Variants in GTF2E2 observed in about 807,000 individuals in gnomAD.
GTF2E2 encodes general transcription factor IIE subunit 2, also known as transcription initiation factor IIE subunit beta.
Under a neutral mutation model 40.5 loss-of-function variants are expected in GTF2E2, and 21 were observed. The ratio of observed to expected loss-of-function variants is 0.52; its 90% CI spans 0.37 to 0.75. GTF2E2 has a LOEUF of 0.75. GTF2E2 is among the 30% of genes least tolerant of loss of function. GTF2E2 has a pLI of 0.00. For missense variants in GTF2E2, 298 were observed against 338.4 expected (o/e 0.88, Z 0.94); for synonymous variants, 117 against 121.6 (o/e 0.96, Z 0.25).
At chr8:30,616,235 A>G (rs1422304430) in intron 3 of GTF2E2, among the ~76,000 whole-genome samples, 2 of 152,108 alleles carry the variant, frequency 1.3e-5, no homozygotes, top group East Asian at 3.9e-4. Flanking sequence ...AAGGAGATCG[A>G]GACCATCCTG....
intron 7 of GTF2E2, 61 bp from the exon 8 acceptor site, chr8:30,579,098 G>A: frequency 1.1e-6 from 1 of 891,962 alleles, no homozygotes; most frequent in Non-Finnish European, 1.9e-6. Flanking sequence ...GTGTGGCCAG[G>A]ATGTTCTGAG....
At chr8:30,610,340 G>C (rs549114054) in intron 5 of GTF2E2, among the ~76,000 whole-genome samples, 1 of 151,530 alleles carries the variant, frequency 6.6e-6, no homozygotes, top group African/African-American at 2.4e-5. Context: ...CAGCTAATCA[G>C]GAGGCTGAGG....
chr8:30,591,068 C>G (rs1019918818), intron 6 of GTF2E2, among the ~76,000 whole-genome samples: 2 of 152,176 alleles, frequency 1.3e-5, no homozygotes, highest in Non-Finnish European at 2.9e-5. Flanking sequence ...AAAAAAATAT[C>G]TGTAAAGCAT....
At chr8:30,619,434 G>A (rs1385971329) in intron 3 of GTF2E2, among the ~76,000 whole-genome samples, 1 of 148,768 alleles carries the variant, frequency 6.7e-6, no homozygotes, top group Non-Finnish European at 1.5e-5. Context: ...TGGTGCCCAC[G>A]CTGGAGTGCA....
intron 6 of GTF2E2, chr8:30,597,544 G>C (rs952087249): frequency 6.6e-6 from 1 of 152,204 alleles, no homozygotes; most frequent in African/African-American, 2.4e-5. Flanking sequence ...TCTCCTGCGG[G>C]ATGTTCACTT....
chr8:30,609,388 AAT>A (rs1256619198), intron 5 of GTF2E2, among the ~76,000 whole-genome samples: 5 of 152,184 alleles, frequency 3.3e-5, no homozygotes, highest in Non-Finnish European at 5.9e-5. Flanking sequence ...ATTTGAAAAA[AAT>A]CCCAAAATCT....
chr8:30,626,362 G>A (rs887416204), intron 3 of GTF2E2, among the ~76,000 whole-genome samples: 1 of 152,134 alleles, frequency 6.6e-6, no homozygotes, highest in African/African-American at 2.4e-5. Flanking sequence ...GCACACGCCT[G>A]TAGTCCCAGC....
intron 2 of GTF2E2, among the ~76,000 whole-genome samples, chr8:30,642,913 T>C (rs552405628): frequency 6.6e-6 from 1 of 152,274 alleles, no homozygotes; most frequent in Admixed American, 6.5e-5. Flanking sequence ...GACCTGAAAA[T>C]ATTTTAAGCA....
chr8:30,628,097 C>T (rs1340467625), intron 3 of GTF2E2, among the ~76,000 whole-genome samples: 1 of 152,324 alleles, frequency 6.6e-6, no homozygotes, highest in East Asian at 1.9e-4. Flanking sequence ...CGAAAACCAC[C>T]TGGAAGAACT....
At chr8:30,589,752 GAGA>G (rs1563474754) in intron 6 of GTF2E2, among the ~76,000 whole-genome samples, 1 of 152,160 alleles carries the variant, frequency 6.6e-6, no homozygotes, top group Non-Finnish European at 1.5e-5. Flanking sequence ...TGGACAGAAT[GAGA>G]AGAACTTGGC....
intron 2 of GTF2E2, among the ~76,000 whole-genome samples, chr8:30,636,596 TAACAATAACATTAAG>T (rs1295051048): frequency 6.6e-6 from 1 of 152,216 alleles, no homozygotes; most frequent in Non-Finnish European, 1.5e-5. Flanking sequence ...TTTCCAAAAG[TAACAATAACATTAAG>T]AATGCCTTAC....
Position 30,607,103 on chromosome 8 carries a change from T to C in GTF2E2, c.597A>G (p.Lys199=). ...AGCTCTTATCATTGAAGAAAAGTAT[T>C]TTCTTCTTATCGGGACGATTTACAA... is the stretch of plus-strand genomic sequence containing the variant. ...ILFVNRPDKK[K]ILFFNDKSCQ... The change falls in exon 6 of 8, where the codon AAA becomes AAG. Residue 199 remains lysine, a synonymous_variant. Coordinates refer to ENST00000355904, the MANE Select transcript of GTF2E2 (RefSeq NM_002095.6). The C allele has an allele frequency of 6.7e-7, 1 of 1,495,790 alleles. No individual in the cohort carries two copies. Among genetic ancestry groups the C allele is most frequent in the Non-Finnish European group, 9.2e-7 (1 of 1,084,636 alleles). 92.7% of individuals were successfully genotyped at this position (1,495,790 alleles called of 1,614,324 possible). A position where few individuals can be genotyped will look rare whatever the true frequency, so the allele number is the denominator to read the frequency against.
At chr8:30,645,692 T>G (rs1802049606) in intron 2 of GTF2E2, 2 of 1,243,104 alleles carry the variant, frequency 1.6e-6, no homozygotes, top group African/African-American at 3.0e-5. Context: ...ACAAAACAAA[T>G]TCTGACTGAA....
chr8:30,629,185 T>C (rs1438709047), intron 3 of GTF2E2, among the ~76,000 whole-genome samples: 1 of 152,170 alleles, frequency 6.6e-6, no homozygotes, highest in African/African-American at 2.4e-5. Context: ...AGAGATATTG[T>C]CATATAATTT....
chr8:30,590,931 T>C (rs1828830364), intron 6 of GTF2E2, among the ~76,000 whole-genome samples: 1 of 152,134 alleles, frequency 6.6e-6, no homozygotes, highest in African/African-American at 2.4e-5. Context: ...CCTCGGATGA[T>C]CCACCTGCCT....
At position 30,612,289 on chromosome 8, in the gene GTF2E2, G is replaced by A. The variant is rs770648298; in HGVS notation, c.549+10C>T. On this transcript the variant is annotated intron_variant, in intron 5 of 7. Transcript: ENST00000355904. The stretch of plus-strand genomic sequence containing the variant: ...ATTATATTAAGACATAGAAAGAAAA[G>A]AGAGATTACCTTGACAGCTTTCTGG... 6.8e-5 allele frequency: 105 copies of A among 1,536,492 alleles called. No homozygotes were observed. The highest frequency in any genetic ancestry group is 9.2e-5 in the Non-Finnish European group (103 of 1,114,034).
At chr8:30,636,066 C>T (rs1801590130) in intron 2 of GTF2E2, among the ~76,000 whole-genome samples, 1 of 152,158 alleles carries the variant, frequency 6.6e-6, no homozygotes, top group Non-Finnish European at 1.5e-5. Context: ...CCTTCTCTAT[C>T]TGGTGTGGAA....
chr8:30,651,167 C>G (rs1219556064), intron 2 of GTF2E2, among the ~76,000 whole-genome samples: 4 of 152,094 alleles, frequency 2.6e-5, no homozygotes, highest in African/African-American at 7.2e-5. Flanking sequence ...AAGGTAGCTA[C>G]TTTTACTATT....
At chr8:30,592,939 G>A (rs1172381173) in intron 6 of GTF2E2, among the ~76,000 whole-genome samples, 12 of 152,244 alleles carry the variant, frequency 7.9e-5, no homozygotes, top group Admixed American at 7.8e-4. Context: ...AGTGGCTCAC[G>A]CATGTAATCC....
Sources: gnomAD v4.1 joint callset for allele counts (sites outside exome capture counted in the v4.1 genomes callset) on GRCh38, gnomAD v4.1.1 for gene constraint, MANE v1.5 for transcripts, NCBI Gene and HGNC (gene_info 2026-07-23, HGNC 2026-07-21) for gene names.